ZNF423: variants seen among roughly 807,000 people sequenced by gnomAD.
ZNF423 encodes the protein zinc finger protein 423.
ZNF423 carries 12 observed loss-of-function variants against 95.8 expected under a neutral mutation model. That is an observed-to-expected ratio of 0.13 (90% CI 0.08 to 0.20). ZNF423 has a LOEUF of 0.20. Ranked by LOEUF, ZNF423 falls within the 10% of genes least tolerant of loss-of-function variation. The pLI, the probability that ZNF423 is intolerant of heterozygous loss-of-function variation, is 1.00. For missense variants in ZNF423, 1,316 were observed against 1,737.1 expected, an observed-to-expected ratio of 0.76 and a Z score of 4.31; for synonymous variants, 749 against 711.9, an observed-to-expected ratio of 1.05 and a Z score of -0.83.
rs1971432460 is a variant in ZNF423, at chr16:49,603,224, T to C, written c.3601+22946A>G. Among the ~76,000 whole-genome samples, 2 of 152,260 alleles carry C rather than the reference T, an allele frequency of 1.3e-5. No individual in the cohort carries two copies. The highest frequency in any genetic ancestry group is 4.1e-4 in the South Asian group (2 of 4,820). The stretch of plus-strand genomic sequence containing the variant: ...GGACCACAATGTAAATGGTGTCCCC[T>C]AGAGTTGTGCAGTAGACAACCTGCA... On this transcript the variant is annotated intron_variant, in intron 5 of 7. Coordinates refer to ENST00000563137, the MANE Select transcript of ZNF423 (RefSeq NM_001379286.1). The surrounding 1 kb of genome is among the most constrained non-coding windows in gnomAD (Gnocchi z 4.1).
chr16:49,818,472 G>A (rs1297247971), intron 1 of ZNF423, among the ~76,000 whole-genome samples: 1 of 152,194 alleles, frequency 6.6e-6, no homozygotes, highest in Non-Finnish European at 1.5e-5. Context: ...CTACTCGGGA[G>A]GCTGAGGCAG....
At chr16:49,566,725 G>A (rs1970203379) in intron 5 of ZNF423, among the ~76,000 whole-genome samples, 1 of 152,202 alleles carries the variant, frequency 6.6e-6, no homozygotes, top group Non-Finnish European at 1.5e-5. Context: ...TTACTGTGCT[G>A]ATGCGCAGCC....
chr16:49,558,259 A>C (rs1181368706), intron 5 of ZNF423, among the ~76,000 whole-genome samples: 1 of 152,196 alleles, frequency 6.6e-6, no homozygotes, highest in Non-Finnish European at 1.5e-5. Context: ...CAATCTCTGC[A>C]CAGGGCTAAG....
At chr16:49,781,527 G>A (rs1039405693) in intron 2 of ZNF423, among the ~76,000 whole-genome samples, 1 of 152,314 alleles carries the variant, frequency 6.6e-6, no homozygotes, top group Non-Finnish European at 1.5e-5. Flanking sequence ...GTGCAGAAGC[G>A]CAGGGGTGTG....
chr16:49,685,244 A>G (rs1369886067), intron 3 of ZNF423, among the ~76,000 whole-genome samples: 1 of 152,190 alleles, frequency 6.6e-6, no homozygotes, highest in Non-Finnish European at 1.5e-5. Context: ...TCCCCATCCC[A>G]GCAAGTTTTA....
intron 1 of ZNF423, chr16:49,853,660 T>G: frequency 1.0e-6 from 1 of 985,214 alleles, no homozygotes; most frequent in Non-Finnish European, 1.2e-6. Context: ...ACATACACAT[T>G]TGAGAGAGGC....
In ZNF423 at chr16:49,488,934, G is replaced by C. The variant is rs1233303841; in HGVS notation, c.*2341C>G. 1 of 152,624 alleles carries C rather than the reference G, an allele frequency of 6.6e-6. No individual in the cohort carries two copies. The highest frequency in any genetic ancestry group is 1.5e-5 in the Non-Finnish European group (1 of 68,436). The allele number at this position is 152,624 out of a possible 1,614,324, so 9.5% of individuals were successfully genotyped here. A position where few individuals can be genotyped will look rare whatever the true frequency, so the allele number is the denominator to read the frequency against. ...AGAACAATGCGGCCGGGGTGAGGGG[G>C]GAGTCGGTGGGGTTCCCTGGCTGCC... On this transcript the variant is annotated 3_prime_UTR_variant, in exon 8 of 8. Transcript: ENST00000563137.
At chr16:49,805,416 G>A (rs2034647133) in intron 1 of ZNF423, among the ~76,000 whole-genome samples, 1 of 152,194 alleles carries the variant, frequency 6.6e-6, no homozygotes, top group African/African-American at 2.4e-5. Context: ...AAAACCAGGG[G>A]CTAAACTAAT....
intron 2 of ZNF423, among the ~76,000 whole-genome samples, chr16:49,740,332 C>T (rs2033388448): frequency 1.3e-5 from 2 of 152,190 alleles, no homozygotes. Flanking sequence ...CAGAGAAGAA[C>T]CCTCTCCTCC....
chr16:49,543,021 C>G (rs1186515610), intron 5 of ZNF423, among the ~76,000 whole-genome samples: 2 of 152,234 alleles, frequency 1.3e-5, no homozygotes, highest in South Asian at 4.2e-4. Context: ...TCCAAAGAGA[C>G]AGCAGAAAGT....
intron 4 of ZNF423, 64 bp from the exon 5 acceptor site, chr16:49,626,318 A>C: frequency 1.3e-6 from 2 of 1,521,122 alleles, no homozygotes; most frequent in Non-Finnish European, 1.8e-6. Flanking sequence ...AGAAAGCAAA[A>C]GTTCCTAGGG....
chr16:49,669,528 C>T (rs1176293691), intron 3 of ZNF423, among the ~76,000 whole-genome samples: 4 of 152,232 alleles, frequency 2.6e-5, no homozygotes, highest in Admixed American at 6.5e-5. Flanking sequence ...AGCAGGCAGC[C>T]GACAGGGCAG....
At chr16:49,736,087 A>G (rs901031358) in intron 2 of ZNF423, among the ~76,000 whole-genome samples, 2 of 152,186 alleles carry the variant, frequency 1.3e-5, no homozygotes, top group African/African-American at 2.4e-5. Context: ...AGGGACATAT[A>G]GTAGGGGCTC....
rs550188733 is a variant in ZNF423, at chr16:49,583,581, A to G, written c.3601+42589T>C. Among the ~76,000 whole-genome samples the G allele has an allele frequency of 2.6e-5, 4 of 152,354 alleles. No individual in the cohort carries two copies. In the South Asian group the frequency reaches 8.3e-4, roughly 32 times the overall value. On this transcript the variant is annotated intron_variant, in intron 5 of 7. Transcript: ENST00000563137. Reference sequence around the variant, plus strand: ...ACTAATGACTATGCATATTTCATATATATTCACACACACATATATATATAC... The same window carrying G: ...ACTAATGACTATGCATATTTCATATGTATTCACACACACATATATATATAC...
At chr16:49,800,916 C>A (rs919271631) in intron 1 of ZNF423, among the ~76,000 whole-genome samples, 16 of 152,154 alleles carry the variant, frequency 1.1e-4, no homozygotes, top group Non-Finnish European at 1.5e-5. Flanking sequence ...AGCCATTCAC[C>A]CCTCGTTCTG....
intron 1 of ZNF423, among the ~76,000 whole-genome samples, chr16:49,804,476 A>G (rs1015972749): frequency 2.6e-5 from 4 of 152,122 alleles, no homozygotes; most frequent in African/African-American, 9.7e-5. Flanking sequence ...CGCCCCACCC[A>G]GTCTAGCATC....
chr16:49,794,099 T>C (rs544372540), intron 1 of ZNF423, among the ~76,000 whole-genome samples: 48 of 152,214 alleles, frequency 3.2e-4, no homozygotes, highest in African/African-American at 1.0e-3. Context: ...TGCAGTGGTG[T>C]GATCACAGCT....
intron 2 of ZNF423, among the ~76,000 whole-genome samples, chr16:49,746,132 C>T (rs2033519357): frequency 6.6e-6 from 1 of 152,134 alleles, no homozygotes; most frequent in Admixed American, 6.5e-5. Context: ...CCTACATCAA[C>T]TCTGTGTGGA....
chr16:49,551,190 G>A (rs965904363), intron 5 of ZNF423, among the ~76,000 whole-genome samples: 12 of 152,200 alleles, frequency 7.9e-5, no homozygotes, highest in Non-Finnish European at 1.8e-4. Context: ...ACTTCCTATC[G>A]TGTTGACAAA....
Sources: gnomAD v4.1 joint callset for allele counts (sites outside exome capture counted in the v4.1 genomes callset) on GRCh38, gnomAD v4.1.1 for gene constraint, Gnocchi (gnomAD v3.1) non-coding constraint, MANE v1.5 for transcripts, NCBI Gene and HGNC (gene_info 2026-07-23, HGNC 2026-07-21) for gene names.